CACHD1: variants seen among roughly 807,000 people sequenced by gnomAD.
The protein encoded by CACHD1 is cache domain containing 1, also known as VWFA and cache domain-containing protein 1.
CACHD1 carries 71 observed loss-of-function variants against 138.7 expected under a neutral mutation model. The ratio of observed to expected loss-of-function variants is 0.51; its 90% CI spans 0.42 to 0.62. CACHD1 has a LOEUF of 0.62. Ranked by LOEUF, CACHD1 falls within the 20% of genes least tolerant of loss-of-function variation. The pLI is 0.00. For missense variants in CACHD1, 1,389 were observed against 1,625.3 expected (o/e 0.85, Z 2.50); for synonymous variants, 578 against 591.5 (o/e 0.98, Z 0.33).
chr1:64,669,160 T>C (rs974242773), intron 16 of CACHD1, among the ~76,000 whole-genome samples: 1 of 152,186 alleles, frequency 6.6e-6, no homozygotes, highest in African/African-American at 2.4e-5. Context: ...TTAAGCACTT[T>C]TATAATAATG....
chr1:64,681,554 T>G (rs1176043045), intron 25 of CACHD1, among the ~76,000 whole-genome samples: 3 of 148,048 alleles, frequency 2.0e-5, no homozygotes, highest in Non-Finnish European at 3.0e-5. Flanking sequence ...TTTTTTTTTT[T>G]TTTTTTTTTT....
chr1:64,515,054 G>A (rs2100358833), intron 1 of CACHD1, among the ~76,000 whole-genome samples: 1 of 152,154 alleles, frequency 6.6e-6, no homozygotes, highest in Non-Finnish European at 1.5e-5. Flanking sequence ...TGGTCATACT[G>A]CATACAGTAT....
chr1:64,549,804 A>T (rs2889038), intron 1 of CACHD1, among the ~76,000 whole-genome samples: 126,080 of 148,968 alleles, frequency 0.85, 54,821 homozygotes, highest in East Asian at 0.98. Context: ...TATTTTTTTT[A>T]TTTTTTTGCT....
At chr1:64,485,380 C>T (rs564817982) in intron 1 of CACHD1, among the ~76,000 whole-genome samples, 1 of 152,242 alleles carries the variant, frequency 6.6e-6, no homozygotes, top group Non-Finnish European at 1.5e-5. Flanking sequence ...TTGCCTTTTC[C>T]AGAAGAGGAT....
At chr1:64,664,412 C>A (rs1570464197) in intron 14 of CACHD1, 86 bp from the exon 15 acceptor site, 2 of 1,338,354 alleles carry the variant, frequency 1.5e-6, no homozygotes. Flanking sequence ...TTCTCTGCAA[C>A]AGAGCTTTGG....
intron 2 of CACHD1, among the ~76,000 whole-genome samples, chr1:64,555,273 A>G (rs1482576338): frequency 1.3e-5 from 2 of 152,182 alleles, no homozygotes; most frequent in African/African-American, 4.8e-5. Context: ...TACAGGCATG[A>G]GCCACTGCAG....
chr1:64,582,760 G>A (rs1162126052), intron 3 of CACHD1, among the ~76,000 whole-genome samples: 2 of 152,114 alleles, frequency 1.3e-5, no homozygotes, highest in Non-Finnish European at 2.9e-5. Context: ...TATTGAAACA[G>A]GTTTGTATCT....
chr1:64,494,060 C>T (rs1344853416), intron 1 of CACHD1, among the ~76,000 whole-genome samples: 2 of 152,092 alleles, frequency 1.3e-5, no homozygotes, highest in East Asian at 1.9e-4. Flanking sequence ...AGGCGGCCAG[C>T]GTTGGAATGT....
chr1:64,685,512 A>G (rs773049115), intron 26 of CACHD1, among the ~76,000 whole-genome samples: 2 of 152,064 alleles, frequency 1.3e-5, no homozygotes, highest in South Asian at 4.1e-4. Context: ...AGAGCTTAGG[A>G]GATAGGGTAA....
chr1:64,612,429 A>G (rs1647568232), intron 4 of CACHD1, among the ~76,000 whole-genome samples: 2 of 152,154 alleles, frequency 1.3e-5, no homozygotes, highest in Admixed American at 6.5e-5. Context: ...TATAATGTTT[A>G]TTGAATTAAT....
At chr1:64,552,007 A>C (rs894877847) in intron 2 of CACHD1, among the ~76,000 whole-genome samples, 11 of 152,166 alleles carry the variant, frequency 7.2e-5, no homozygotes, top group Non-Finnish European at 1.2e-4. Flanking sequence ...TTTCTGAACG[A>C]AGCATGTTCA....
At chr1:64,555,344 A>G (rs1646789587) in intron 2 of CACHD1, among the ~76,000 whole-genome samples, 1 of 152,096 alleles carries the variant, frequency 6.6e-6, no homozygotes, top group African/African-American at 2.4e-5. Flanking sequence ...TTTTTAAAAA[A>G]TCGATCTTTA....
intron 1 of CACHD1, among the ~76,000 whole-genome samples, chr1:64,520,062 C>T (rs1646487215): frequency 6.6e-6 from 1 of 152,188 alleles, no homozygotes; most frequent in African/African-American, 2.4e-5. Context: ...TTGTTCTGCT[C>T]ACCACTTTGC....
intron 2 of CACHD1, among the ~76,000 whole-genome samples, chr1:64,551,107 G>A (rs957289887): frequency 6.6e-6 from 1 of 152,164 alleles, no homozygotes; most frequent in African/African-American, 2.4e-5. Context: ...GCCTTATGGG[G>A]TTGTGAGAAT....
chr1:64,632,256 GAAAAAAAAAA>G (rs55924104), intron 5 of CACHD1, among the ~76,000 whole-genome samples: 3 of 129,806 alleles, frequency 2.3e-5, no homozygotes, highest in Middle Eastern at 4.1e-3. Context: ...GCTTTTTTCT[GAAAAAAAAAA>G]AAAAAAAAAA....
At chr1:64,577,344 A>G (rs1050523038) in intron 2 of CACHD1, among the ~76,000 whole-genome samples, 5 of 152,206 alleles carry the variant, frequency 3.3e-5, no homozygotes, top group African/African-American at 1.2e-4. Flanking sequence ...AATCATATTA[A>G]TTTTTAAAAA....
chr1:64,595,263 T>C (rs1053948024), intron 3 of CACHD1, among the ~76,000 whole-genome samples: 3 of 152,208 alleles, frequency 2.0e-5, no homozygotes, highest in Non-Finnish European at 4.4e-5. Context: ...CTCCGGTCTC[T>C]AGTCCTGGGA....
At chr1:64,600,359 C>T (rs1432815775) in intron 3 of CACHD1, among the ~76,000 whole-genome samples, 3 of 152,178 alleles carry the variant, frequency 2.0e-5, no homozygotes, top group Non-Finnish European at 2.9e-5. Context: ...TGGCCTCACC[C>T]CAGACTCACT....
intron 3 of CACHD1, among the ~76,000 whole-genome samples, chr1:64,595,472 CAAGTGGCAGGA>C (rs1216233497): frequency 1.3e-5 from 2 of 152,092 alleles, no homozygotes; most frequent in Non-Finnish European, 2.9e-5. Context: ...TATTAGAGGT[CAAGTGGCAGGA>C]TGGACAGGGG....
Sources: gnomAD v4.1 joint callset for allele counts (sites outside exome capture counted in the v4.1 genomes callset) on GRCh38, gnomAD v4.1.1 for gene constraint, MANE v1.5 for transcripts, NCBI Gene and HGNC (gene_info 2026-07-23, HGNC 2026-07-21) for gene names.